LYPD6: variants seen among roughly 807,000 people sequenced by gnomAD.
LYPD6 encodes the protein ly6/PLAUR domain-containing protein 6.
A neutral mutation model predicts 22.7 loss-of-function variants in LYPD6; 15 were observed. That is an observed-to-expected ratio of 0.66 (90% CI 0.44 to 1.02). The LOEUF (loss-of-function observed/expected upper bound fraction) is 1.02, where lower values mean the gene tolerates loss of function less well. Ranked by LOEUF, LYPD6 falls within the 50% of genes least tolerant of loss-of-function variation. LYPD6 has a pLI of 0.00. For missense variants in LYPD6, 189 were observed against 208.4 expected, an observed-to-expected ratio of 0.91 and a Z score of 0.57; for synonymous variants, 72 against 77.5, an observed-to-expected ratio of 0.93 and a Z score of 0.37.
chr2:149,380,920 C>A (rs1412105278), intron 1 of LYPD6, among the ~76,000 whole-genome samples: 1 of 152,040 alleles, frequency 6.6e-6, no homozygotes, highest in African/African-American at 2.4e-5. Context: ...AGAAGGAAAG[C>A]CAACCCAGAG....
intron 1 of LYPD6, among the ~76,000 whole-genome samples, chr2:149,344,177 C>A (rs1055451081): frequency 6.6e-6 from 1 of 152,166 alleles, no homozygotes; most frequent in Non-Finnish European, 1.5e-5. Context: ...TCTTTCCTAG[C>A]CAGCCCCCTT....
At chr2:149,362,321 A>C (rs1284397356) in intron 1 of LYPD6, among the ~76,000 whole-genome samples, 2 of 152,154 alleles carry the variant, frequency 1.3e-5, no homozygotes, top group Admixed American at 1.3e-4. Context: ...TTATTTAATA[A>C]ATTTTTATGT....
At chr2:149,409,715 G>A (rs1180041365) in intron 1 of LYPD6, among the ~76,000 whole-genome samples, 1 of 151,972 alleles carries the variant, frequency 6.6e-6, no homozygotes, top group East Asian at 1.9e-4. Flanking sequence ...CACATAGGTT[G>A]CCAGGGAAGT....
intron 1 of LYPD6, among the ~76,000 whole-genome samples, chr2:149,401,774 C>T (rs948882169): frequency 6.6e-6 from 1 of 151,962 alleles, no homozygotes; most frequent in Non-Finnish European, 1.5e-5. Context: ...TGAATAAGTT[C>T]TTCAGTGGTG....
intron 1 of LYPD6, among the ~76,000 whole-genome samples, chr2:149,404,716 A>C (rs573980473): frequency 6.6e-6 from 1 of 152,184 alleles, no homozygotes; most frequent in Admixed American, 6.5e-5. Flanking sequence ...GTATTTGAAT[A>C]CCCTTTATTT....
At chr2:149,404,304 A>C (rs1319389649) in intron 1 of LYPD6, among the ~76,000 whole-genome samples, 4 of 152,138 alleles carry the variant, frequency 2.6e-5, no homozygotes, top group African/African-American at 7.2e-5. Context: ...ATGGCATTGA[A>C]TCTATAAATT....
the LYPD6 span, among the ~76,000 whole-genome samples, chr2:149,485,957 T>G: frequency 6.6e-6 from 1 of 152,188 alleles, no homozygotes; most frequent in Non-Finnish European, 1.5e-5. Context: ...TCAGGGGTTT[T>G]AAAACATTTC....
At chr2:149,448,692 A>G (rs1683741630) in intron 2 of LYPD6, among the ~76,000 whole-genome samples, 1 of 152,230 alleles carries the variant, frequency 6.6e-6, no homozygotes, top group African/African-American at 2.4e-5. Context: ...CAAGTTGTTG[A>G]AAGTAGTAAT....
intron 1 of LYPD6, among the ~76,000 whole-genome samples, chr2:149,359,640 G>T (rs550031726): frequency 6.6e-6 from 1 of 152,282 alleles, no homozygotes; most frequent in African/African-American, 2.4e-5. Flanking sequence ...CAGAAGCCAG[G>T]TCCTTTAATT....
At chr2:149,403,212 G>A (rs1336604724) in intron 1 of LYPD6, among the ~76,000 whole-genome samples, 3 of 152,182 alleles carry the variant, frequency 2.0e-5, no homozygotes, top group African/African-American at 7.2e-5. Context: ...TGTCTTTATA[G>A]CAGCATGATT....
intron 1 of LYPD6, among the ~76,000 whole-genome samples, chr2:149,399,047 T>C (rs1559137641): frequency 6.6e-6 from 1 of 152,034 alleles, no homozygotes; most frequent in Non-Finnish European, 1.5e-5. Context: ...AAATGATATA[T>C]CATGTATATA....
At chr2:149,354,059 C>T (rs1449034136) in intron 1 of LYPD6, among the ~76,000 whole-genome samples, 3 of 152,090 alleles carry the variant, frequency 2.0e-5, no homozygotes, top group Non-Finnish European at 4.4e-5. Flanking sequence ...AACAGAAGAT[C>T]CTGTGTTTGT....
intron 1 of LYPD6, among the ~76,000 whole-genome samples, chr2:149,358,679 A>T (rs1681514403): frequency 6.6e-6 from 1 of 152,022 alleles, no homozygotes. Flanking sequence ...CTAAATATAT[A>T]TATATATTTG....
At chr2:149,345,607 ACCCGG>A (rs1681240705) in intron 1 of LYPD6, among the ~76,000 whole-genome samples, 1 of 151,212 alleles carries the variant, frequency 6.6e-6, no homozygotes, top group African/African-American at 2.4e-5. Context: ...GAGCCAACGC[ACCCGG>A]CCTTAATTTA....
chr2:149,457,956 A>T (rs908923472), intron 3 of LYPD6, among the ~76,000 whole-genome samples: 4 of 152,182 alleles, frequency 2.6e-5, no homozygotes, highest in African/African-American at 9.7e-5. Flanking sequence ...CAAATGCCAT[A>T]GGCACTGGCA....
At chr2:149,426,356 C>A (rs1003011807) in intron 1 of LYPD6, among the ~76,000 whole-genome samples, 1 of 152,182 alleles carries the variant, frequency 6.6e-6, no homozygotes, top group Non-Finnish European at 1.5e-5. Context: ...CCAGGTAGGA[C>A]ACAAGATTCA....
intron 3 of LYPD6, among the ~76,000 whole-genome samples, chr2:149,450,665 G>C (rs957439765): frequency 2.0e-5 from 3 of 152,190 alleles, no homozygotes. Context: ...AAATGGGCCA[G>C]TATTTTCTAA....
chr2:149,451,213 G>T (rs1416812253), intron 3 of LYPD6, among the ~76,000 whole-genome samples: 4 of 152,142 alleles, frequency 2.6e-5, no homozygotes. Context: ...TGGAGGGGAG[G>T]AACACTGTGG....
At chr2:149,436,524 A>G (rs1378697951) in intron 1 of LYPD6, among the ~76,000 whole-genome samples, 1 of 152,212 alleles carries the variant, frequency 6.6e-6, no homozygotes, top group Non-Finnish European at 1.5e-5. Flanking sequence ...AATCAGAATA[A>G]AGGACACAGT....
Sources: gnomAD v4.1 joint callset for allele counts (sites outside exome capture counted in the v4.1 genomes callset) on GRCh38, gnomAD v4.1.1 for gene constraint, MANE v1.5 for transcripts, NCBI Gene and HGNC (gene_info 2026-07-23, HGNC 2026-07-21) for gene names.